Variants in THADA observed in about 807,000 individuals in gnomAD.
THADA encodes the protein THADA armadillo repeat containing.
THADA carries 213 observed loss-of-function variants against 219.8 expected under a neutral mutation model. The ratio of observed to expected loss-of-function variants is 0.97; its 90% CI spans 0.87 to 1.09. THADA has a LOEUF of 1.09. Among genes scored for constraint, THADA ranks in the 50% least tolerant of loss-of-function variants. The probability of loss-of-function intolerance (pLI) is 0.00; values close to 1 mark genes in which losing one functional copy is unlikely to be tolerated. For synonymous variants in THADA, 1,018 were observed against 828.9 expected, an observed-to-expected ratio of 1.23 and a Z score of -3.92; for missense variants, 2,956 against 2,311.3, an observed-to-expected ratio of 1.28 and a Z score of -5.72.
intron 26 of THADA, among the ~76,000 whole-genome samples, chr2:43,476,562 T>A (rs1367430561): frequency 6.6e-6 from 1 of 152,200 alleles, no homozygotes; most frequent in Non-Finnish European, 1.5e-5. Context: ...GCTGCATAAG[T>A]CTGAATTATT....
rs1436335615 is a variant in THADA at position 43,595,918 on chromosome 2, C to T, written c.-25+13G>A. 1.3e-5 allele frequency: 2 copies of T among 152,324 alleles called. No individual in the cohort carries two copies. The highest frequency in any genetic ancestry group is 4.8e-5 in the African/African-American group (2 of 41,450). 9.4% of individuals were successfully genotyped at this position (152,324 alleles called of 1,614,324 possible). On this transcript the variant is annotated intron_variant, in intron 1 of 37. Transcript: ENST00000405975. ...ACCGCGGGTCTGGCAGGCAGGACAC[C>T]TGGGAGCCAAACCTCGTGCACGTCG... is the stretch of plus-strand genomic sequence containing the variant.
intron 29 of THADA, among the ~76,000 whole-genome samples, chr2:43,346,790 A>G (rs1204957475): frequency 6.6e-6 from 1 of 152,206 alleles, no homozygotes; most frequent in Non-Finnish European, 1.5e-5. Context: ...TGAAAAATCA[A>G]TAGCTTTCCT....
chr2:43,403,114 A>G (rs1675069693), intron 28 of THADA, among the ~76,000 whole-genome samples: 1 of 152,260 alleles, frequency 6.6e-6, no homozygotes. Context: ...GAGGTGTCCC[A>G]GCATACTTTG....
chr2:43,415,557 G>C (rs1676839382), intron 28 of THADA, among the ~76,000 whole-genome samples: 1 of 152,164 alleles, frequency 6.6e-6, no homozygotes, highest in African/African-American at 2.4e-5. Context: ...GGAAAAAACA[G>C]GGATTTAAAT....
intron 28 of THADA, among the ~76,000 whole-genome samples, chr2:43,399,144 C>T (rs1674469354): frequency 6.6e-6 from 1 of 152,134 alleles, no homozygotes. Context: ...TGCTAAGTAC[C>T]AGCTTAACTA....
At chr2:43,389,590 C>G (rs1202646516) in intron 29 of THADA, among the ~76,000 whole-genome samples, 1 of 152,208 alleles carries the variant, frequency 6.6e-6, no homozygotes, top group Non-Finnish European at 1.5e-5. Flanking sequence ...CTGCTTGGCC[C>G]GGCATTTGTG....
intron 15 of THADA, chr2:43,565,031 G>A (rs1233970584): frequency 1.3e-5 from 2 of 152,172 alleles, no homozygotes; most frequent in Non-Finnish European, 2.9e-5. Flanking sequence ...AATATGGATT[G>A]CGTATTCAAT....
intron 25 of THADA, among the ~76,000 whole-genome samples, chr2:43,485,602 T>G (rs532466630): frequency 1.3e-5 from 2 of 152,184 alleles, no homozygotes; most frequent in African/African-American, 4.8e-5. Flanking sequence ...TCTCTGCACT[T>G]AGAGCATCAA....
intron 31 of THADA, among the ~76,000 whole-genome samples, chr2:43,294,915 G>T (rs899338946): frequency 1.3e-5 from 2 of 152,048 alleles, no homozygotes; most frequent in Non-Finnish European, 2.9e-5. Context: ...TAGGAGTCTC[G>T]GGTACCTCCC....
chr2:43,302,836 G>A (rs1676421944), intron 31 of THADA, among the ~76,000 whole-genome samples: 1 of 152,144 alleles, frequency 6.6e-6, no homozygotes, highest in Non-Finnish European at 1.5e-5. Flanking sequence ...AGGATTGCTT[G>A]AGCCCAGGAG....
At chr2:43,520,658 C>G (rs929493033) in intron 22 of THADA, among the ~76,000 whole-genome samples, 1 of 151,388 alleles carries the variant, frequency 6.6e-6, no homozygotes, top group East Asian at 1.9e-4. Context: ...CCACTGTGCT[C>G]CAGCCTAGGC....
At chr2:43,417,887 A>T (rs959055874) in intron 28 of THADA, among the ~76,000 whole-genome samples, 1 of 152,254 alleles carries the variant, frequency 6.6e-6, no homozygotes, top group Non-Finnish European at 1.5e-5. Context: ...TGGGATAGTA[A>T]CGACAATGAC....
intron 22 of THADA, among the ~76,000 whole-genome samples, chr2:43,510,460 C>T (rs1009920257): frequency 6.6e-6 from 1 of 151,952 alleles, no homozygotes; most frequent in African/African-American, 2.4e-5. Flanking sequence ...AGGTTACTTC[C>T]CAAGCACTAG....
At chr2:43,365,069 G>GCAGGGATTA (rs1001917227) in intron 29 of THADA, among the ~76,000 whole-genome samples, 5 of 151,562 alleles carry the variant, frequency 3.3e-5, no homozygotes, top group African/African-American at 1.2e-4. Flanking sequence ...GGGATTACAG[G>GCAGGGATTA]CATGCACCAC....
chr2:43,368,256 T>C (rs969774183), intron 29 of THADA, among the ~76,000 whole-genome samples: 3 of 152,344 alleles, frequency 2.0e-5, no homozygotes, highest in African/African-American at 7.2e-5. Context: ...ATCAGTCATC[T>C]TAAGGAGGTA....
At chr2:43,564,360 A>C (rs1031169297) in intron 15 of THADA, 1 of 152,232 alleles carries the variant, frequency 6.6e-6, no homozygotes, top group Admixed American at 6.5e-5. Flanking sequence ...AGGCTCTAAA[A>C]TCTGTTCCTT....
At chr2:43,582,089 T>C (rs1030261959) in intron 7 of THADA, among the ~76,000 whole-genome samples, 161 bp from the exon 8 acceptor site, 2 of 152,250 alleles carry the variant, frequency 1.3e-5, no homozygotes, top group African/African-American at 2.4e-5. Flanking sequence ...ATTCCAATTA[T>C]GTAGACATTA....
intron 31 of THADA, among the ~76,000 whole-genome samples, chr2:43,306,721 G>C (rs1446483987): frequency 1.3e-5 from 2 of 152,196 alleles, no homozygotes; most frequent in African/African-American, 4.8e-5. Flanking sequence ...TACTAGGAGT[G>C]CTCCTATTTT....
chr2:43,581,857 A>G lies in THADA; in HGVS notation c.605T>C (p.Met202Thr). Residue 202 changes from methionine to threonine, a missense_variant, in exon 8 of 38, where the codon ATG (methionine) becomes ACG (threonine). By Grantham distance (81) the Met-to-Thr change is moderately conservative. Transcript: ENST00000405975. ...ATCTTGTACTTTCTGTACTAACATC[A>G]TTGAAACTCTAATGCCTACCAGTAA... ...NDLLVGIRVS[M>T]MLVQKVQDFQ... 2 of 1,611,664 alleles carry G rather than the reference A, an allele frequency of 1.2e-6. No homozygotes were observed. The highest frequency in any genetic ancestry group is 8.5e-7 in the Non-Finnish European group (1 of 1,179,292).
Sources: allele counts gnomAD v4.1 joint callset (sites outside exome capture counted in the v4.1 genomes callset), GRCh38; gene constraint gnomAD v4.1.1; transcripts MANE v1.5; gene names NCBI Gene and HGNC (gene_info 2026-07-23, HGNC 2026-07-21).